The following ANO1 variants were observed in gnomAD, a reference collection of about 807,000 sequenced individuals.
ANO1 encodes the protein anoctamin 1.
Under a neutral mutation model 124.0 loss-of-function variants are expected in ANO1, and 59 were observed. The observed-to-expected ratio is 0.48, with a 90% CI of 0.39 to 0.59. The LOEUF (loss-of-function observed/expected upper bound fraction) is 0.59. ANO1 is among the 20% of genes least tolerant of loss of function. The pLI, the probability that ANO1 is intolerant of heterozygous loss-of-function variation, is 0.00. For missense variants in ANO1, 1,059 were observed against 1,328.0 expected (o/e 0.80, Z 3.15); for synonymous variants, 529 against 532.0 (o/e 0.99, Z 0.08).
intron 1 of ANO1, among the ~76,000 whole-genome samples, chr11:70,024,974 A>G (rs142667345): frequency 6.6e-6 from 1 of 152,338 alleles, no homozygotes; most frequent in Non-Finnish European, 1.5e-5. Context: ...AGCTGCAAGG[A>G]CTTGGTGCTG....
intron 1 of ANO1, chr11:70,085,300 C>A: frequency 7.6e-7 from 1 of 1,321,420 alleles, no homozygotes; most frequent in South Asian, 1.6e-5. Flanking sequence ...CCCTCAAAAG[C>A]CAGCCCTCCC....
rs1591026996 is a variant in ANO1 at position 70,002,680 on chromosome 11, A to G, written c.58+16514A>G. On this transcript the variant is annotated intron_variant, in intron 1 of 27. Transcript: ENST00000531349. ...CACATTTCTCAGAGTCCCTGTGGTT[A>G]AGTGGTGCATGACTGCATTTTCTAA... Among the ~76,000 whole-genome samples the G allele has an allele frequency of 2.0e-5, 3 of 152,264 alleles. No homozygotes were observed. The East Asian group carries it at 5.8e-4, about 29-fold the overall frequency.
At chr11:70,103,023 T>A in intron 2 of ANO1, 43 bp from the exon 3 acceptor site, 1 of 1,361,508 alleles carries the variant, frequency 7.3e-7, no homozygotes, top group Admixed American at 2.2e-5. Flanking sequence ...TCCACAGAGA[T>A]GCACCGCCCC....
At chr11:70,061,508 C>G (rs1255095645) in intron 1 of ANO1, among the ~76,000 whole-genome samples, 1 of 146,274 alleles carries the variant, frequency 6.8e-6, no homozygotes, top group African/African-American at 2.5e-5. Flanking sequence ...CTCTCTCTCT[C>G]CCCTCCTCCC....
At chr11:70,173,660 G>A (rs767491966) in intron 22 of ANO1, among the ~76,000 whole-genome samples, 3 of 152,198 alleles carry the variant, frequency 2.0e-5, no homozygotes, top group Non-Finnish European at 4.4e-5. Context: ...AACGTTTTAG[G>A]CTTCCTGGAC....
At chr11:70,069,519 G>A (rs1555009063) in intron 1 of ANO1, among the ~76,000 whole-genome samples, 1 of 152,256 alleles carries the variant, frequency 6.6e-6, no homozygotes, top group African/African-American at 2.4e-5. Flanking sequence ...GATCTGGGCT[G>A]TGATGAGCTT....
intron 22 of ANO1, 121 bp downstream of exon 22, chr11:70,171,160 C>T (rs1353961648): frequency 1.5e-6 from 2 of 1,376,600 alleles, no homozygotes; most frequent in Non-Finnish European, 2.0e-6. Flanking sequence ...GGGCTCTTCA[C>T]TCAGCCTTTG....
chr11:70,048,206 A>G, intron 1 of ANO1, among the ~76,000 whole-genome samples: 1 of 152,220 alleles, frequency 6.6e-6, no homozygotes, highest in East Asian at 1.9e-4. Context: ...TTAGATAAAC[A>G]TTTACCCAAT....
intron 1 of ANO1, among the ~76,000 whole-genome samples, chr11:70,016,978 T>C (rs1322280660): frequency 1.3e-5 from 2 of 152,200 alleles, no homozygotes; most frequent in African/African-American, 4.8e-5. Flanking sequence ...CTTAGTTTAC[T>C]TTCTTTCTTT....
the ANO1 span, among the ~76,000 whole-genome samples, chr11:69,972,553 C>G: frequency 6.6e-6 from 1 of 152,202 alleles, no homozygotes; most frequent in African/African-American, 2.4e-5. Context: ...TATGTATCGT[C>G]TTCCTGGAGC....
chr11:70,115,490 G>A (rs1028742962), intron 7 of ANO1, among the ~76,000 whole-genome samples: 12 of 152,230 alleles, frequency 7.9e-5, no homozygotes, highest in East Asian at 7.7e-4. Context: ...GTGGGCACCC[G>A]TAGTCCCGGC....
upstream of ANO1, among the ~76,000 whole-genome samples, chr11:69,982,149 CA>C (rs1855965064): frequency 6.6e-6 from 1 of 152,168 alleles, no homozygotes; most frequent in African/African-American, 2.4e-5. Flanking sequence ...CCGAGTTGAA[CA>C]CTTAAAAATG....
intron 1 of ANO1, among the ~76,000 whole-genome samples, chr11:70,079,754 G>A (rs992826709): frequency 1.3e-5 from 2 of 152,236 alleles, no homozygotes; most frequent in Non-Finnish European, 2.9e-5. Flanking sequence ...TGTCCCTCTA[G>A]TCTCTGGAGC....
Position 70,157,053 on chromosome 11 carries a change from T to A in ANO1, c.1578+32T>A, listed in dbSNP as rs746817543. 4.4e-6 allele frequency: 7 copies of A among 1,594,942 alleles called. No homozygotes were observed. In the Admixed American group the frequency reaches 1.2e-4, roughly 27 times the overall value. On this transcript the variant is annotated intron_variant, in intron 16 of 25. Transcript: ENST00000355303. ...TCCAGAAGGTTAAGGCCAGACGAAG[T>A]CAGGGGAAACCGCAAGGAAGTGATT... is the stretch of plus-strand genomic sequence containing the variant.
At chr11:70,102,975 C>A (rs1450870862) in intron 2 of ANO1, 91 bp from the exon 3 acceptor site, 2 of 873,952 alleles carry the variant, frequency 2.3e-6, no homozygotes, top group Non-Finnish European at 3.6e-6. Flanking sequence ...AGTAGCTGCT[C>A]GATAAATTGT....
chr11:70,148,755 C>A (rs1275340797), intron 11 of ANO1, among the ~76,000 whole-genome samples: 2 of 152,194 alleles, frequency 1.3e-5, no homozygotes, highest in Admixed American at 1.3e-4. Context: ...CACTCGAGCA[C>A]CTGTCTGTCC....
chr11:70,124,552 C>T (rs1343357444), intron 9 of ANO1, 138 bp downstream of exon 9: 1 of 808,868 alleles, frequency 1.2e-6, no homozygotes, highest in African/African-American at 1.7e-5. Flanking sequence ...GTAGGAAGAC[C>T]CAAAATGTCC....
At chr11:70,167,857 A>G (rs576834727) in intron 21 of ANO1, among the ~76,000 whole-genome samples, 1 of 151,980 alleles carries the variant, frequency 6.6e-6, no homozygotes, top group South Asian at 2.1e-4. Flanking sequence ...CCCACAATCC[A>G]AGGTCCCTCC....
At chr11:69,986,483 C>T (rs1410173462) in intron 1 of ANO1, among the ~76,000 whole-genome samples, 1 of 152,174 alleles carries the variant, frequency 6.6e-6, no homozygotes, top group Admixed American at 6.5e-5. Flanking sequence ...GGGGAGACAT[C>T]TGCTAGGCCG....
Sources: allele counts gnomAD v4.1 joint callset (sites outside exome capture counted in the v4.1 genomes callset), GRCh38; gene constraint gnomAD v4.1.1; transcripts MANE v1.5; gene names NCBI Gene and HGNC (gene_info 2026-07-23, HGNC 2026-07-21).